PCDHA6: variants seen among roughly 807,000 people sequenced by gnomAD.
PCDHA6 encodes the protein protocadherin alpha 6.
A neutral mutation model predicts 60.3 loss-of-function variants in PCDHA6; 55 were observed. The ratio of observed to expected loss-of-function variants is 0.91; its 90% CI spans 0.73 to 1.14. PCDHA6 has a LOEUF of 1.14. Ranked by LOEUF, PCDHA6 falls within the 50% of genes most tolerant of loss-of-function variation. PCDHA6 has a pLI of 0.00. For synonymous variants in PCDHA6, 652 were observed against 557.9 expected, an observed-to-expected ratio of 1.17 and a Z score of -2.38; for missense variants, 1,327 against 1,256.5, an observed-to-expected ratio of 1.06 and a Z score of -0.85.
intron 1 of PCDHA6, chr5:140,876,415 G>A (rs782679956): frequency 6.2e-7 from 1 of 1,613,960 alleles, no homozygotes. Flanking sequence ...AGAGAATAAT[G>A]CCTATGAAAT....
At chr5:140,973,760 A>T (rs2153800993) in intron 1 of PCDHA6, among the ~76,000 whole-genome samples, 1 of 152,376 alleles carries the variant, frequency 6.6e-6, no homozygotes, top group Admixed American at 6.5e-5. Flanking sequence ...GCAGGGACAC[A>T]GCCTGGCATA....
intron 3 of PCDHA6, among the ~76,000 whole-genome samples, chr5:140,999,423 C>G (rs1159862736): frequency 6.6e-6 from 1 of 152,100 alleles, no homozygotes; most frequent in Non-Finnish European, 1.5e-5. Context: ...AGCTAAGAGG[C>G]CAAGTACCTT....
rs2150522888 is a variant in PCDHA6 at position 140,852,815 on chromosome 5, T to G, written c.2394+22330T>G. 1.8e-5 allele frequency: 18 copies of G among 973,398 alleles called. No homozygotes were observed. In the East Asian group the frequency reaches 1.4e-3, roughly 74 times the overall value. 60.3% of individuals were successfully genotyped at this position (973,398 alleles called of 1,614,324 possible). On this transcript the variant is annotated intron_variant, in intron 1 of 3. Coordinates refer to ENST00000529310, the MANE Select transcript of PCDHA6 (RefSeq NM_018909.4). ...TACAGATGTCATTTGTCTCCCGCCC[T>G]AAGTCCTCCAGTCTCCTTAGAGCTA...
intron 1 of PCDHA6, chr5:140,882,151 G>C (rs529033742): frequency 6.7e-7 from 1 of 1,503,572 alleles, no homozygotes; most frequent in African/African-American, 1.4e-5. Flanking sequence ...AGCAGAAAGC[G>C]GAATACCTCT....
chr5:140,969,274 TG>T, intron 1 of PCDHA6: 1 of 1,614,158 alleles, frequency 6.2e-7, no homozygotes, highest in Non-Finnish European at 8.5e-7. Flanking sequence ...CAGGCCAAAG[TG>T]GTCAGAATGC....
At chr5:140,834,241 G>T (rs1440716193) in intron 1 of PCDHA6, 2 of 811,066 alleles carry the variant, frequency 2.5e-6, no homozygotes, top group Non-Finnish European at 1.9e-6. Flanking sequence ...ATTCCTTTTC[G>T]CACTGGAAAG....
At chr5:140,895,880 C>T (rs564030159) in intron 1 of PCDHA6, among the ~76,000 whole-genome samples, 4 of 152,240 alleles carry the variant, frequency 2.6e-5, no homozygotes, top group East Asian at 3.9e-4. Flanking sequence ...GGCGCGATCT[C>T]GGCTCACTGC....
chr5:140,871,919 A>G (rs1434717967), intron 1 of PCDHA6, among the ~76,000 whole-genome samples: 1 of 152,216 alleles, frequency 6.6e-6, no homozygotes, highest in African/African-American at 2.4e-5. Context: ...TGATATTTCC[A>G]CATTGTTAGA....
intron 3 of PCDHA6, among the ~76,000 whole-genome samples, chr5:140,994,564 G>A (rs1554254259): frequency 6.6e-6 from 1 of 152,070 alleles, no homozygotes; most frequent in Non-Finnish European, 1.5e-5. Flanking sequence ...AATTAGCCGG[G>A]TGTGGTGGCA....
At chr5:140,843,414 T>C (rs2150359498) in intron 1 of PCDHA6, 4 of 1,596,080 alleles carry the variant, frequency 2.5e-6, no homozygotes, top group Non-Finnish European at 3.4e-6. Context: ...GATGTCAACG[T>C]GTACCTGATC....
chr5:140,951,252 A>AT (rs1488592252), intron 1 of PCDHA6, among the ~76,000 whole-genome samples: 16 of 151,738 alleles, frequency 1.1e-4, no homozygotes, highest in Admixed American at 1.1e-3. Context: ...AATGCATCAC[A>AT]TTTTTCTGGT....
At chr5:140,837,994 CT>C (rs2150281652) in intron 1 of PCDHA6, among the ~76,000 whole-genome samples, 1 of 150,612 alleles carries the variant, frequency 6.6e-6, no homozygotes, top group Non-Finnish European at 1.5e-5. Flanking sequence ...TTCATCTTTC[CT>C]TTTTTTTAAA....
At chr5:140,836,907 C>T in intron 1 of PCDHA6, 1 of 583,884 alleles carries the variant, frequency 1.7e-6, no homozygotes, top group Non-Finnish European at 2.8e-6. Context: ...GTTTAATATA[C>T]ACTTTTGTTT....
intron 1 of PCDHA6, chr5:140,875,643 G>A: frequency 6.2e-7 from 1 of 1,613,696 alleles, no homozygotes; most frequent in Non-Finnish European, 8.5e-7. Flanking sequence ...TGGAGCTGGC[G>A]GAGCTGGTGC....
chr5:140,905,948 G>A (rs2072228532), intron 1 of PCDHA6, among the ~76,000 whole-genome samples: 3 of 152,180 alleles, frequency 2.0e-5, no homozygotes, highest in Non-Finnish European at 4.4e-5. Flanking sequence ...CTTGGAATCC[G>A]ATGTTCAAGG....
At chr5:140,870,593 G>C (rs991131905) in intron 1 of PCDHA6, 2 of 1,613,454 alleles carry the variant, frequency 1.2e-6, no homozygotes, top group Admixed American at 3.3e-5. Flanking sequence ...GTGGAGCGGC[G>C]GTTGGGCGAC....
chr5:140,831,497 A>G (rs1771562992), intron 1 of PCDHA6, among the ~76,000 whole-genome samples: 2 of 106,812 alleles, frequency 1.9e-5, no homozygotes, highest in Non-Finnish European at 3.8e-5. Context: ...GTTACTACAC[A>G]CGAGCACCAC....
intron 1 of PCDHA6, among the ~76,000 whole-genome samples, chr5:140,948,168 T>G (rs1217978838): frequency 6.6e-6 from 1 of 151,636 alleles, no homozygotes; most frequent in Non-Finnish European, 1.5e-5. Flanking sequence ...AACCTTCCAT[T>G]CCTAGGGTAA....
chr5:140,923,451 C>T (rs1256990906), intron 1 of PCDHA6, among the ~76,000 whole-genome samples: 2 of 151,914 alleles, frequency 1.3e-5, no homozygotes, highest in African/African-American at 4.8e-5. Context: ...TCACCTGAGC[C>T]CAGAGAGGTA....
Sources: allele counts gnomAD v4.1 joint callset (sites outside exome capture counted in the v4.1 genomes callset), GRCh38; gene constraint gnomAD v4.1.1; transcripts MANE v1.5; gene names NCBI Gene and HGNC (gene_info 2026-07-23, HGNC 2026-07-21).